The following IFT80 variants were observed in gnomAD, a reference collection of about 807,000 sequenced individuals.
IFT80 encodes the protein intraflagellar transport protein 80 homolog.
A neutral mutation model predicts 107.9 loss-of-function variants in IFT80; 79 were observed. The observed-to-expected ratio is 0.73, with a 90% CI of 0.61 to 0.88. The LOEUF is 0.88. Ranked by LOEUF, IFT80 falls within the 40% of genes least tolerant of loss-of-function variation. The pLI, the probability that IFT80 is intolerant of heterozygous loss-of-function variation, is 0.00. For missense variants in IFT80, 797 were observed against 914.2 expected, an observed-to-expected ratio of 0.87 and a Z score of 1.65; for synonymous variants, 299 against 300.9, an observed-to-expected ratio of 0.99 and a Z score of 0.07.
At chr3:160,377,692 C>T (rs1336493249) in intron 3 of IFT80, 152 bp from the exon 4 acceptor site, 11 of 474,370 alleles carry the variant, frequency 2.3e-5, no homozygotes, top group Non-Finnish European at 4.1e-5. Context: ...GGAAAATAGG[C>T]ACAAAAACAA....
At chr3:160,280,486 C>T (rs934536395) in intron 15 of IFT80, among the ~76,000 whole-genome samples, 181 bp downstream of exon 15, 8 of 152,050 alleles carry the variant, frequency 5.3e-5, no homozygotes, top group African/African-American at 1.9e-4. Flanking sequence ...CATATCATAC[C>T]ACACTTTCAA....
chr3:160,341,455 A>C (rs570973766), intron 8 of IFT80, among the ~76,000 whole-genome samples: 1 of 152,230 alleles, frequency 6.6e-6, no homozygotes, highest in East Asian at 1.9e-4. Context: ...AAAAGAAAAC[A>C]TTTTAAGTTA....
intron 18 of IFT80, among the ~76,000 whole-genome samples, chr3:160,269,065 C>T (rs1478455070): frequency 6.6e-6 from 1 of 151,936 alleles, no homozygotes; most frequent in Non-Finnish European, 1.5e-5. Context: ...CCTGTCTCTG[C>T]TAAAGATACA....
chr3:160,328,894 A>G (rs1371467125), intron 8 of IFT80, among the ~76,000 whole-genome samples: 1 of 152,126 alleles, frequency 6.6e-6, no homozygotes, highest in African/African-American at 2.4e-5. Flanking sequence ...GAGCAGAAAA[A>G]GCAGAAAACC....
At chr3:160,263,421 T>C (rs907969869) in intron 19 of IFT80, among the ~76,000 whole-genome samples, 13 of 152,194 alleles carry the variant, frequency 8.5e-5, no homozygotes, top group Non-Finnish European at 1.8e-4. Flanking sequence ...AGTCTTCCCA[T>C]TGCCTTCATT....
rs1369805681 is a variant in IFT80, at chr3:160,338,321, A to G, written c.777+17692T>C. Among the ~76,000 whole-genome samples, 8 of 152,180 alleles carry G rather than the reference A, an allele frequency of 5.3e-5. 1 individual carries two copies. The highest frequency in any genetic ancestry group is 5.2e-4 in the Admixed American group (8 of 15,282). ...CAACTGCACAGAAAAATTTGCCCCC[A>G]GGCTGGGTGCAGTGGCTCACGCCTG... On this transcript the variant is annotated intron_variant, in intron 8 of 19. Coordinates refer to ENST00000326448, the MANE Select transcript of IFT80 (RefSeq NM_020800.3).
chr3:160,340,522 C>T (rs1719819075), intron 8 of IFT80, among the ~76,000 whole-genome samples: 1 of 152,168 alleles, frequency 6.6e-6, no homozygotes, highest in Admixed American at 6.5e-5. Flanking sequence ...AGATTGTAGG[C>T]AGAATTGTTT....
chr3:160,378,431 T>C (rs1712209803), intron 3 of IFT80, among the ~76,000 whole-genome samples: 1 of 152,198 alleles, frequency 6.6e-6, no homozygotes, highest in Non-Finnish European at 1.5e-5. Flanking sequence ...GCTCTGTCCA[T>C]TGAAAGGGCC....
intron 19 of IFT80, among the ~76,000 whole-genome samples, chr3:160,264,575 G>A (rs1282646441): frequency 6.6e-6 from 1 of 150,408 alleles, no homozygotes; most frequent in African/African-American, 2.5e-5. Context: ...GGAACTACAG[G>A]TGCATGTCAC....
At position 160,330,735 on chromosome 3, in the gene IFT80, G is replaced by A. The variant is rs1719032255; in HGVS notation, c.778-10796C>T. ...CACTCTGAGAATGACTGGCATAATAGACCCCCATTTACCTGTTACCCAGTT... is the reference window on the plus strand; with the variant it reads ...CACTCTGAGAATGACTGGCATAATAAACCCCCATTTACCTGTTACCCAGTT... On this transcript the variant is annotated intron_variant, in intron 8 of 19. Coordinates refer to ENST00000326448, the MANE Select transcript of IFT80 (RefSeq NM_020800.3). Among the ~76,000 whole-genome samples the A allele has an allele frequency of 1.3e-5, 2 of 152,072 alleles. 1 individual carries two copies. The highest frequency in any genetic ancestry group is 4.8e-5 in the African/African-American group (2 of 41,398).
chr3:160,280,821 T>G lies in IFT80; in HGVS notation c.1517-7A>C. ...AAAGTATGCACCATTGTTCCTTAAT[T>G]TAAAAAGAATGTTAATGTGCTATTA... On this transcript the variant is annotated splice_region_variant and splice_polypyrimidine_tract_variant and intron_variant, in intron 14 of 19. Coordinates refer to ENST00000326448, the MANE Select transcript of IFT80 (RefSeq NM_020800.3). 1 of 1,610,778 alleles carries G rather than the reference T, an allele frequency of 6.2e-7. No homozygotes were observed. Among genetic ancestry groups the G allele is most frequent in the Non-Finnish European group, 8.5e-7 (1 of 1,177,828 alleles).
chr3:160,351,493 TATATAGTATCAAA>T (rs1430417142), intron 8 of IFT80, among the ~76,000 whole-genome samples: 16 of 148,044 alleles, frequency 1.1e-4, no homozygotes, highest in Non-Finnish European at 2.4e-4. Flanking sequence ...GGGCTTTTGA[TATATAGTATCAAA>T]ATATCCTCCA....
At chr3:160,367,914 A>C (rs567984232) in intron 5 of IFT80, among the ~76,000 whole-genome samples, 2 of 152,106 alleles carry the variant, frequency 1.3e-5, no homozygotes, top group African/African-American at 4.8e-5. Flanking sequence ...TGCCCGGCCC[A>C]GCTGCCTAGT....
intron 2 of IFT80, among the ~76,000 whole-genome samples, chr3:160,382,357 A>G (rs1415988994): frequency 1.3e-5 from 2 of 152,166 alleles, no homozygotes; most frequent in East Asian, 1.9e-4. Flanking sequence ...TTTAATTGAC[A>G]ATACCAAACT....
intron 8 of IFT80, among the ~76,000 whole-genome samples, chr3:160,328,051 G>C (rs778943217): frequency 3.3e-5 from 5 of 152,132 alleles, no homozygotes; most frequent in Admixed American, 6.6e-5. Flanking sequence ...CTTCTCAAAA[G>C]AAGACATATA....
chr3:160,386,586 G>GA (rs1712952874), intron 1 of IFT80, among the ~76,000 whole-genome samples: 1 of 151,980 alleles, frequency 6.6e-6, no homozygotes, highest in African/African-American at 2.4e-5. Context: ...GGCTTGAGAG[G>GA]AAAAAATGGG....
chr3:160,313,608 ATTT>A (rs201247167), intron 9 of IFT80, among the ~76,000 whole-genome samples: 5 of 139,718 alleles, frequency 3.6e-5, no homozygotes, highest in Admixed American at 7.3e-5. Context: ...TCTGTGCTGA[ATTT>A]TTTTTTTTTT....
chr3:160,375,887 A>G lies in IFT80; in HGVS notation c.371-7T>C, dbSNP rs773095033. 3.8e-6 allele frequency: 6 copies of G among 1,582,826 alleles called. No homozygotes were observed. Among genetic ancestry groups the G allele is most frequent in the Admixed American group, 3.3e-5 (2 of 59,778 alleles). On this transcript the variant is annotated splice_polypyrimidine_tract_variant and splice_region_variant and intron_variant, in intron 4 of 19. Coordinates refer to ENST00000326448, the MANE Select transcript of IFT80 (RefSeq NM_020800.3). ...ATTTGTCCATCTTCTCCAACTATAC[A>G]GGGAAAAAAAAATTAATCAGTATTT...
intron 4 of IFT80, among the ~76,000 whole-genome samples, 172 bp downstream of exon 4, chr3:160,377,258 A>T (rs1400551436): frequency 6.6e-6 from 1 of 152,230 alleles, no homozygotes; most frequent in African/African-American, 2.4e-5. Flanking sequence ...TAAGAAAATG[A>T]TTAATATAAC....
Sources: allele counts gnomAD v4.1 joint callset (sites outside exome capture counted in the v4.1 genomes callset), GRCh38; gene constraint gnomAD v4.1.1; transcripts MANE v1.5; gene names NCBI Gene and HGNC (gene_info 2026-07-23, HGNC 2026-07-21).